TRIM9: variants seen among roughly 807,000 people sequenced by gnomAD.
The protein encoded by TRIM9 is E3 ubiquitin-protein ligase TRIM9.
TRIM9 carries 26 observed loss-of-function variants against 78.3 expected under a neutral mutation model. That is an observed-to-expected ratio of 0.33 (90% CI 0.24 to 0.46). The LOEUF (loss-of-function observed/expected upper bound fraction) is 0.46. TRIM9 is among the 20% of genes least tolerant of loss of function. The pLI is 1.00. For missense variants in TRIM9, 787 were observed against 1,036.4 expected (o/e 0.76, Z 3.30); for synonymous variants, 398 against 416.5 (o/e 0.96, Z 0.54).
At chr14:51,055,253 C>T (rs2060807466) in intron 1 of TRIM9, among the ~76,000 whole-genome samples, 1 of 152,096 alleles carries the variant, frequency 6.6e-6, no homozygotes, top group Non-Finnish European at 1.5e-5. Flanking sequence ...AAAGCACGGC[C>T]AATTGAAACA....
intron 7 of TRIM9, among the ~76,000 whole-genome samples, chr14:50,994,953 G>A (rs997137665): frequency 6.6e-6 from 1 of 152,188 alleles, no homozygotes; most frequent in African/African-American, 2.4e-5. Flanking sequence ...TACATCTCCA[G>A]GAACTTTGCT....
chr14:50,994,952 A>G (rs1466004009), intron 7 of TRIM9, among the ~76,000 whole-genome samples: 2 of 152,216 alleles, frequency 1.3e-5, no homozygotes, highest in African/African-American at 4.8e-5. Context: ...ATACATCTCC[A>G]GGAACTTTGC....
chr14:51,048,819 C>T (rs1450241850), intron 1 of TRIM9, among the ~76,000 whole-genome samples: 1 of 151,890 alleles, frequency 6.6e-6, no homozygotes. Flanking sequence ...CCCATCTCCA[C>T]TAAAAATACA....
intron 7 of TRIM9, among the ~76,000 whole-genome samples, chr14:50,991,198 C>T (rs1462704530): frequency 6.6e-6 from 1 of 152,172 alleles, no homozygotes; most frequent in Non-Finnish European, 1.5e-5. Flanking sequence ...ATTTCAATTA[C>T]ATACAGAGGA....
Position 50,983,335 on chromosome 14 carries a change from A to G in TRIM9, c.1834+45T>C, listed in dbSNP as rs924003961. On this transcript the variant is annotated intron_variant, in intron 9 of 12. Transcript: ENST00000684578. ...ATTTATTTTGTGAAGGAAATTGAGC[A>G]CACCAATCACGTAAGTAAAAGATAA... 4.8e-6 allele frequency: 7 copies of G among 1,447,960 alleles called. No homozygotes were observed. In the African/African-American group the frequency reaches 9.9e-5, roughly 21 times the overall value. 89.7% of individuals were successfully genotyped at this position (1,447,960 alleles called of 1,614,324 possible).
chr14:51,021,972 AT>A (rs1273539754), intron 3 of TRIM9, among the ~76,000 whole-genome samples: 1 of 151,604 alleles, frequency 6.6e-6, no homozygotes, highest in African/African-American at 2.4e-5. Context: ...TACAGATTCT[AT>A]TTTTCAATTC....
chr14:51,092,770 G>C (rs1215316223), intron 1 of TRIM9, among the ~76,000 whole-genome samples: 1 of 152,176 alleles, frequency 6.6e-6, no homozygotes. Flanking sequence ...GTTTATGTCT[G>C]TGTGTGTACA....
intron 1 of TRIM9, among the ~76,000 whole-genome samples, chr14:51,067,237 CT>C (rs1324292242): frequency 1.3e-5 from 2 of 152,152 alleles, no homozygotes; most frequent in Non-Finnish European, 2.9e-5. Context: ...CTGAGGCCCC[CT>C]CCTAATAGTC....
chr14:51,003,080 C>T (rs1383244662), intron 5 of TRIM9, among the ~76,000 whole-genome samples: 1 of 152,158 alleles, frequency 6.6e-6, no homozygotes, highest in Non-Finnish European at 1.5e-5. Flanking sequence ...AGACATAATG[C>T]CTTCTAATGA....
At chr14:51,032,483 CATGGCAAGTGA>C (rs1042875982) in intron 1 of TRIM9, among the ~76,000 whole-genome samples, 3 of 152,236 alleles carry the variant, frequency 2.0e-5, no homozygotes, top group African/African-American at 7.2e-5. Flanking sequence ...GGGGATGTCC[CATGGCAAGTGA>C]ATGGCTGGGG....
intron 4 of TRIM9, 58 bp from the exon 5 acceptor site, chr14:51,009,291 C>G: frequency 2.5e-6 from 4 of 1,599,664 alleles, no homozygotes; most frequent in Non-Finnish European, 2.6e-6. Context: ...TGAAACACAA[C>G]ACTGCCCCTT....
intron 12 of TRIM9, chr14:50,978,800 A>G: frequency 1.4e-6 from 1 of 692,022 alleles, no homozygotes; most frequent in South Asian, 6.6e-5. Flanking sequence ...CCAGACACTT[A>G]TAACTGTGCC....
Position 50,998,156 on chromosome 14 carries a change from A to C in TRIM9, c.1497T>G (p.Thr499=). 6.2e-7 allele frequency: 1 copy of C among 1,614,212 alleles called. No homozygotes were observed. Among genetic ancestry groups the C allele is most frequent in the Non-Finnish European group, 8.5e-7 (1 of 1,180,034 alleles). ...TGCTGTTGAAGTGAAGACCATCCAC[A>C]GTGCACATTGTCTCCTTCCCCACAT... ...EVYVGKETMC[T]VDGLHFNSTY... is the part of the protein sequence containing the mutation. Residue 499 remains threonine (T), a synonymous_variant, in exon 7 of 13, where the codon ACT becomes ACG. Coordinates refer to ENST00000684578, the MANE Select transcript of TRIM9 (RefSeq NM_001387360.1).
At chr14:50,989,700 T>C (rs2053235162) in intron 7 of TRIM9, among the ~76,000 whole-genome samples, 1 of 152,186 alleles carries the variant, frequency 6.6e-6, no homozygotes, top group Admixed American at 6.5e-5. Flanking sequence ...AGTATGTCAA[T>C]GGCCAAATGT....
intron 1 of TRIM9, among the ~76,000 whole-genome samples, chr14:51,083,489 C>T (rs4343172): frequency 0.36 from 54,124 of 151,740 alleles, 10,014 homozygotes; most frequent in Admixed American, 0.43. Context: ...AAACTCCTTC[C>T]GCCTCAGCCT....
chr14:51,021,673 C>A (rs1359154552), intron 3 of TRIM9, among the ~76,000 whole-genome samples: 1 of 152,218 alleles, frequency 6.6e-6, no homozygotes, highest in Non-Finnish European at 1.5e-5. Context: ...CCACCAGTAG[C>A]CACTCTGAAG....
chr14:51,076,240 G>A (rs1166111501), intron 1 of TRIM9, among the ~76,000 whole-genome samples: 1 of 152,216 alleles, frequency 6.6e-6, no homozygotes, highest in Non-Finnish European at 1.5e-5. Flanking sequence ...CAAAGCCTGG[G>A]TTCTTTCTCA....
Position 50,975,835 on chromosome 14 carries a change from G to T in TRIM9, c.*1456C>A, listed in dbSNP as rs180704451. The T allele has an allele frequency of 6.6e-6, 1 of 152,660 alleles. No individual in the cohort carries two copies. Among genetic ancestry groups the T allele is most frequent in the African/African-American group, 2.4e-5 (1 of 41,528 alleles). The allele number at this position is 152,660 out of a possible 1,614,324, so 9.5% of individuals were successfully genotyped here. Reference sequence around the variant, plus strand: ...TATGACAAACTAATGAATTTCAAGGGTAACCTATGTAAGTCTATCTCTATA... The same window carrying T: ...TATGACAAACTAATGAATTTCAAGGTTAACCTATGTAAGTCTATCTCTATA... On this transcript the variant is annotated 3_prime_UTR_variant, in exon 13 of 13. Transcript: ENST00000684578.
chr14:50,978,200 A>G (rs17092860), intron 12 of TRIM9, among the ~76,000 whole-genome samples: 51,546 of 152,034 alleles, frequency 0.34, 9,148 homozygotes, highest in Admixed American at 0.43. Context: ...CACATACTGA[A>G]ACACAACAAT....
Sources: gnomAD v4.1 joint callset for allele counts (sites outside exome capture counted in the v4.1 genomes callset) on GRCh38, gnomAD v4.1.1 for gene constraint, MANE v1.5 for transcripts, NCBI Gene and HGNC (gene_info 2026-07-23, HGNC 2026-07-21) for gene names.